Variants in CYRIA observed in about 807,000 individuals in gnomAD.
The protein encoded by CYRIA is CYFIP related Rac1 interactor A.
In CYRIA, 15 loss-of-function variants were observed where a neutral mutation model predicts 43.9. The observed-to-expected ratio is 0.34, with a 90% CI of 0.23 to 0.53. The LOEUF (loss-of-function observed/expected upper bound fraction) is 0.53, where lower values mean the gene tolerates loss of function less well. Among genes scored for constraint, CYRIA ranks in the 20% least tolerant of loss-of-function variants. The pLI, the probability that CYRIA is intolerant of heterozygous loss-of-function variation, is 0.94. For synonymous variants in CYRIA, 117 were observed against 136.0 expected, an observed-to-expected ratio of 0.86 and a Z score of 0.97; for missense variants, 236 against 394.2, an observed-to-expected ratio of 0.60 and a Z score of 3.40.
intron 10 of CYRIA, among the ~76,000 whole-genome samples, chr2:16,558,341 AT>A (rs1201849432): frequency 6.6e-6 from 1 of 152,164 alleles, no homozygotes; most frequent in African/African-American, 2.4e-5. Flanking sequence ...TCCAAGTTAC[AT>A]TTTTTATTGA....
chr2:16,580,787 G>A (rs1667524861), intron 3 of CYRIA, among the ~76,000 whole-genome samples: 1 of 152,106 alleles, frequency 6.6e-6, no homozygotes, highest in East Asian at 1.9e-4. Flanking sequence ...GATCAATAGA[G>A]TAATCAGAGA....
intron 3 of CYRIA, among the ~76,000 whole-genome samples, chr2:16,568,474 A>G (rs1318515728): frequency 6.6e-6 from 1 of 152,150 alleles, no homozygotes; most frequent in Non-Finnish European, 1.5e-5. Flanking sequence ...CTAAAAATCC[A>G]CAAGCTAGGA....
At chr2:16,617,250 A>G (rs1668830054) in intron 2 of CYRIA, among the ~76,000 whole-genome samples, 1 of 152,308 alleles carries the variant, frequency 6.6e-6, no homozygotes, top group Non-Finnish European at 1.5e-5. Context: ...CTTAGAGGAA[A>G]CACTGGCCAA....
In CYRIA at chr2:16,565,666, C is replaced by T. The variant is rs1309243978; in HGVS notation, c.172G>A (p.Ala58Thr). 2 of 1,581,464 alleles carry T rather than the reference C, an allele frequency of 1.3e-6. No homozygotes were observed. Among genetic ancestry groups the T allele is most frequent in the South Asian group, 1.1e-5 (1 of 88,478 alleles). The change falls in exon 4 of 12, where the codon GCA (alanine) becomes ACA (threonine). Residue 58 changes from alanine to threonine, a missense_variant. By Grantham distance (58) the Ala-to-Thr change is moderately conservative (BLOSUM62 0). Around this residue, in one of 3 missense-constraint regions of CYRIA, gnomAD observed 193 missense variants for 303.9 expected, o/e 0.64. Coordinates refer to ENST00000381323, the MANE Select transcript of CYRIA (RefSeq NM_030797.4). ...ILADLQAYKG[A>T]GPEIRDAIQN... ...CATACATCTCGGATCTCTGGGCCTG[C>T]GCCTTTGTAAGCCTGCAGGTCTGCA...
chr2:16,602,320 G>A (rs967208432), intron 2 of CYRIA, among the ~76,000 whole-genome samples: 1 of 152,042 alleles, frequency 6.6e-6, no homozygotes, highest in African/African-American at 2.4e-5. Flanking sequence ...GACTCAGATT[G>A]CCTATAACAA....
intron 11 of CYRIA, among the ~76,000 whole-genome samples, chr2:16,554,122 T>C (rs565141978): frequency 7.9e-4 from 121 of 152,264 alleles, no homozygotes; most frequent in African/African-American, 2.8e-3. Flanking sequence ...CTTGTGATGA[T>C]TAAATGAGAC....
intron 2 of CYRIA, among the ~76,000 whole-genome samples, chr2:16,607,772 T>G (rs558217733): frequency 8.5e-4 from 130 of 152,230 alleles, no homozygotes; most frequent in Middle Eastern, 3.4e-3. Context: ...AATTTTCGTA[T>G]TTTTAGTAGA....
intron 3 of CYRIA, among the ~76,000 whole-genome samples, chr2:16,566,336 C>A (rs974657745): frequency 1.3e-5 from 2 of 152,112 alleles, no homozygotes; most frequent in African/African-American, 4.8e-5. Flanking sequence ...AAAGGAGAAG[C>A]AACTGAATAT....
intron 11 of CYRIA, among the ~76,000 whole-genome samples, chr2:16,554,712 G>A (rs1475588929): frequency 2.0e-5 from 3 of 152,140 alleles, no homozygotes; most frequent in African/African-American, 7.2e-5. Flanking sequence ...CTGGTAAAGT[G>A]GAAAGTGAGA....
intron 2 of CYRIA, among the ~76,000 whole-genome samples, chr2:16,621,224 T>C (rs1431896188): frequency 6.6e-6 from 1 of 152,214 alleles, no homozygotes; most frequent in Non-Finnish European, 1.5e-5. Context: ...TAGTCTATCA[T>C]GTAAGTAAAT....
intron 3 of CYRIA, among the ~76,000 whole-genome samples, chr2:16,573,365 T>A (rs573899693): frequency 6.6e-6 from 1 of 152,362 alleles, no homozygotes; most frequent in African/African-American, 2.4e-5. Flanking sequence ...TTCTTGGCAC[T>A]AACAGACTGA....
chr2:16,642,657 G>A (rs1005873371), intron 1 of CYRIA, among the ~76,000 whole-genome samples: 5 of 151,834 alleles, frequency 3.3e-5, no homozygotes, highest in East Asian at 3.9e-4. Flanking sequence ...GGACCTTGCC[G>A]ACCTCATCCA....
intron 3 of CYRIA, among the ~76,000 whole-genome samples, chr2:16,578,813 CAGA>C (rs199869319): frequency 1.2e-4 from 18 of 151,432 alleles, no homozygotes; most frequent in South Asian, 4.2e-4. Context: ...ATTGGTGTCC[CAGA>C]AGAAGAAGAA....
chr2:16,649,311 C>T (rs1408849530), intron 1 of CYRIA, among the ~76,000 whole-genome samples: 2 of 152,142 alleles, frequency 1.3e-5, no homozygotes, highest in African/African-American at 2.4e-5. Context: ...GGGACGATTA[C>T]AGTACAGAGG....
chr2:16,640,052 G>A (rs1216644519), intron 1 of CYRIA, among the ~76,000 whole-genome samples: 2 of 152,188 alleles, frequency 1.3e-5, no homozygotes, highest in African/African-American at 4.8e-5. Context: ...AAAAGATGAG[G>A]CTGAATCCAT....
Position 16,613,320 on chromosome 2 carries a change from C to T in CYRIA, c.-11+10544G>A, listed in dbSNP as rs1668668413. On this transcript the variant is annotated intron_variant, in intron 2 of 11. Transcript: ENST00000381323. Reference sequence around the variant, plus strand: ...GGGGAGGACATGATTCTCTTCAGTCCCTTTTCATAATGCATACCTGAGCAG... The same window carrying T: ...GGGGAGGACATGATTCTCTTCAGTCTCTTTTCATAATGCATACCTGAGCAG... Among the ~76,000 whole-genome samples the T allele has an allele frequency of 2.0e-5, 3 of 152,298 alleles. No individual in the cohort carries two copies. In the South Asian group the frequency reaches 6.2e-4, roughly 32 times the overall value.
At chr2:16,577,250 C>G (rs536052271) in intron 3 of CYRIA, among the ~76,000 whole-genome samples, 1 of 151,836 alleles carries the variant, frequency 6.6e-6, no homozygotes, top group Admixed American at 6.6e-5. Context: ...GGTAAAAAAA[C>G]CTATTAAATG....
intron 11 of CYRIA, among the ~76,000 whole-genome samples, chr2:16,554,164 G>A (rs7573656): frequency 0.39 from 59,110 of 151,908 alleles, 13,070 homozygotes; most frequent in East Asian, 0.65. Context: ...TAAAACATGA[G>A]CATTGTACAT....
intron 1 of CYRIA, among the ~76,000 whole-genome samples, chr2:16,636,071 T>G (rs191587798): frequency 6.6e-6 from 1 of 152,156 alleles, no homozygotes; most frequent in Non-Finnish European, 1.5e-5. Flanking sequence ...AGGCAGCATA[T>G]CTACTGTCCC....
Sources: gnomAD v4.1 joint callset for allele counts (sites outside exome capture counted in the v4.1 genomes callset) on GRCh38, gnomAD v4.1.1 for gene constraint, gnomAD v4.1.1 regional missense constraint, MANE v1.5 for transcripts, NCBI Gene and HGNC (gene_info 2026-07-23, HGNC 2026-07-21) for gene names.